The following XKR6 variants were observed in gnomAD, a reference collection of about 807,000 sequenced individuals.
The protein encoded by XKR6 is XK-related protein 6.
XKR6 carries 22 observed loss-of-function variants against 56.7 expected under a neutral mutation model. The ratio of observed to expected loss-of-function variants is 0.39; its 90% CI spans 0.28 to 0.55. The LOEUF (loss-of-function observed/expected upper bound fraction) is 0.55. Ranked by LOEUF, XKR6 falls within the 20% of genes least tolerant of loss-of-function variation. The pLI is 0.66. For synonymous variants in XKR6, 524 were observed against 387.8 expected, an observed-to-expected ratio of 1.35 and a Z score of -4.13; for missense variants, 852 against 889.0, an observed-to-expected ratio of 0.96 and a Z score of 0.53.
intron 1 of XKR6, among the ~76,000 whole-genome samples, chr8:11,126,308 C>T (rs141657180): frequency 0.019 from 2,891 of 152,178 alleles, 116 homozygotes; most frequent in African/African-American, 0.067. Context: ...CCTTGTGATC[C>T]GCCCACCTCG....
rs189655505 is a variant in XKR6 at position 11,092,468 on chromosome 8, G to C, written c.764+108108C>G. ...GACCTGAGACTCCCCTCTAGGTTTA[G>C]GGGGGTAGGTGAGGACCCTGGCTGG... On this transcript the variant is annotated intron_variant, in intron 1 of 2. Transcript: ENST00000416569. Among the ~76,000 whole-genome samples, 464 of 152,304 alleles carry C rather than the reference G, an allele frequency of 3.0e-3. 5 individuals are homozygous for C. Among genetic ancestry groups the C allele is most frequent in the African/African-American group, 0.011 (451 of 41,554 alleles).
intron 1 of XKR6, among the ~76,000 whole-genome samples, chr8:10,980,464 G>A (rs556027185): frequency 1.7e-4 from 26 of 152,300 alleles, no homozygotes; most frequent in African/African-American, 5.1e-4. Context: ...AGTTCCATGA[G>A]GACAGGGATG....
At chr8:10,928,358 C>T (rs530454852) in intron 1 of XKR6, among the ~76,000 whole-genome samples, 1 of 152,246 alleles carries the variant, frequency 6.6e-6, no homozygotes, top group African/African-American at 2.4e-5. Flanking sequence ...CTCCTCCTAG[C>T]TTTACCTGGT....
At chr8:10,944,839 T>C (rs1801489024) in intron 1 of XKR6, among the ~76,000 whole-genome samples, 1 of 152,154 alleles carries the variant, frequency 6.6e-6, no homozygotes. Context: ...TTTTAGCCCT[T>C]CTTTCCAGCA....
intron 1 of XKR6, among the ~76,000 whole-genome samples, chr8:10,926,717 A>G (rs1800896406): frequency 6.6e-6 from 1 of 152,254 alleles, no homozygotes; most frequent in Non-Finnish European, 1.5e-5. Flanking sequence ...AGGCTCTAGC[A>G]TGAAATAAAC....
At chr8:11,190,342 C>A (rs1803510824) in intron 1 of XKR6, among the ~76,000 whole-genome samples, 5 of 152,086 alleles carry the variant, frequency 3.3e-5, no homozygotes, top group Admixed American at 3.3e-4. Flanking sequence ...CTGCTGTTCT[C>A]AATGTTTCCA....
intron 1 of XKR6, among the ~76,000 whole-genome samples, chr8:10,992,350 G>A (rs1798013034): frequency 6.6e-6 from 1 of 151,954 alleles, no homozygotes; most frequent in African/African-American, 2.4e-5. Context: ...CTGCTTATTA[G>A]AATGAAGACT....
intron 1 of XKR6, 89 bp from the exon 2 acceptor site, chr8:10,924,919 T>A: frequency 6.5e-6 from 9 of 1,390,620 alleles, no homozygotes; most frequent in Non-Finnish European, 8.8e-6. Context: ...ACCAAGAGAC[T>A]CAGCATCCCC....
At chr8:10,964,685 CG>C (rs1429588947) in intron 1 of XKR6, among the ~76,000 whole-genome samples, 1 of 152,200 alleles carries the variant, frequency 6.6e-6, no homozygotes, top group Non-Finnish European at 1.5e-5. Flanking sequence ...TGACCTCACC[CG>C]CGGGATCTTG....
chr8:10,947,233 G>C (rs1007205217), intron 1 of XKR6, among the ~76,000 whole-genome samples: 1 of 152,190 alleles, frequency 6.6e-6, no homozygotes, highest in Non-Finnish European at 1.5e-5. Context: ...ATGAAGACAC[G>C]TCTGAGATTT....
intron 1 of XKR6, among the ~76,000 whole-genome samples, chr8:10,925,199 C>T (rs986624995): frequency 6.6e-6 from 1 of 152,128 alleles, no homozygotes; most frequent in South Asian, 2.1e-4. Context: ...AGGTTCAGGA[C>T]CCCGGGGGGA....
chr8:11,104,083 C>T (rs946878307), intron 1 of XKR6, among the ~76,000 whole-genome samples: 1 of 152,162 alleles, frequency 6.6e-6, no homozygotes, highest in Non-Finnish European at 1.5e-5. Flanking sequence ...CAGGTGTCTG[C>T]CTCACTAATC....
intron 1 of XKR6, among the ~76,000 whole-genome samples, chr8:10,977,371 T>A (rs78308257): frequency 6.6e-6 from 1 of 151,852 alleles, no homozygotes; most frequent in African/African-American, 2.4e-5. Flanking sequence ...ATGTGGAGAA[T>A]GACAAATTCC....
At chr8:11,118,743 T>C (rs1799299080) in intron 1 of XKR6, among the ~76,000 whole-genome samples, 1 of 152,228 alleles carries the variant, frequency 6.6e-6, no homozygotes, top group Non-Finnish European at 1.5e-5. Context: ...ATTTGGCTGA[T>C]CTTTTCAAAA....
At chr8:11,126,062 T>G (rs915028079) in intron 1 of XKR6, 1 of 151,464 alleles carries the variant, frequency 6.6e-6, no homozygotes, top group African/African-American at 2.4e-5. Flanking sequence ...TGGTTTTTGT[T>G]TTTTTTTTTT....
chr8:10,994,290 GT>G (rs1798060836), intron 1 of XKR6, among the ~76,000 whole-genome samples: 1 of 152,234 alleles, frequency 6.6e-6, no homozygotes, highest in South Asian at 2.1e-4. Flanking sequence ...TGTCTTCAGA[GT>G]CAGCCTCGGC....
At chr8:11,083,569 G>C (rs1015439803) in intron 1 of XKR6, among the ~76,000 whole-genome samples, 1 of 152,148 alleles carries the variant, frequency 6.6e-6, no homozygotes, top group Non-Finnish European at 1.5e-5. Context: ...ACCAGTGCTG[G>C]GCTGGGTTTC....
At chr8:11,142,487 T>C (rs150847478) in intron 1 of XKR6, among the ~76,000 whole-genome samples, 227 of 152,260 alleles carry the variant, frequency 1.5e-3, no homozygotes, top group African/African-American at 5.1e-3. Flanking sequence ...TGGGAGGTGT[T>C]TGGATCATGG....
Position 11,200,448 on chromosome 8 carries a change from G to A in XKR6, c.764+128C>T. The A allele has an allele frequency of 1.6e-6, 2 of 1,213,816 alleles. No individual in the cohort carries two copies. Among genetic ancestry groups the A allele is most frequent in the Non-Finnish European group, 2.1e-6 (2 of 944,086 alleles). The allele number at this position is 1,213,816 out of a possible 1,614,324, so 75.2% of individuals were successfully genotyped here. On this transcript the variant is annotated intron_variant, in intron 1 of 2. Coordinates refer to ENST00000416569, the MANE Select transcript of XKR6 (RefSeq NM_173683.4). The surrounding 1 kb of genome is among the most constrained non-coding windows in gnomAD (Gnocchi z 6.4). ...CCGGTCTTTTGGAGACGCCAGGGGC[G>A]GCGCGCGGCCGGTCCCTCCTTCGAG...
Sources: gnomAD v4.1 joint callset for allele counts (sites outside exome capture counted in the v4.1 genomes callset) on GRCh38, gnomAD v4.1.1 for gene constraint, Gnocchi (gnomAD v3.1) non-coding constraint, MANE v1.5 for transcripts, NCBI Gene and HGNC (gene_info 2026-07-23, HGNC 2026-07-21) for gene names.